CADM2: variants seen among roughly 807,000 people sequenced by gnomAD.
CADM2 encodes immunoglobulin superfamily member 4D.
Under a neutral mutation model 49.8 loss-of-function variants are expected in CADM2, and 12 were observed. The ratio of observed to expected loss-of-function variants is 0.24; its 90% CI spans 0.15 to 0.39. The LOEUF (loss-of-function observed/expected upper bound fraction) is 0.39. Ranked by LOEUF, CADM2 falls within the 10% of genes least tolerant of loss-of-function variation. The pLI is 1.00. For synonymous variants in CADM2, 214 were observed against 175.4 expected (o/e 1.22, Z -1.74); for missense variants, 378 against 492.3 (o/e 0.77, Z 2.20).
At chr3:85,657,146 C>T (rs1301602864) in intron 1 of CADM2, among the ~76,000 whole-genome samples, 1 of 152,144 alleles carries the variant, frequency 6.6e-6, no homozygotes, top group Non-Finnish European at 1.5e-5. Context: ...CTCTCTCCTT[C>T]TTTGAATCTT....
At chr3:85,156,953 C>A (rs1374847199) in intron 1 of CADM2, among the ~76,000 whole-genome samples, 9 of 151,950 alleles carry the variant, frequency 5.9e-5, no homozygotes, top group Non-Finnish European at 1.2e-4. Context: ...TTGTCTCAGC[C>A]CAAAATCTCC....
chr3:85,693,124 C>A (rs942174928), intron 1 of CADM2, among the ~76,000 whole-genome samples: 13 of 152,110 alleles, frequency 8.5e-5, no homozygotes, highest in African/African-American at 1.2e-4. Context: ...TGGCATGCAC[C>A]TGTAGTCCCA....
chr3:85,477,604 T>G (rs1176136522), intron 1 of CADM2, among the ~76,000 whole-genome samples: 1 of 151,952 alleles, frequency 6.6e-6, no homozygotes, highest in African/African-American at 2.4e-5. Context: ...ATCAAGATAC[T>G]GCTGTGCAGT....
intron 1 of CADM2, among the ~76,000 whole-genome samples, chr3:85,528,948 G>T (rs1220418093): frequency 6.6e-6 from 1 of 152,040 alleles, no homozygotes; most frequent in Non-Finnish European, 1.5e-5. Context: ...GACTGAACCT[G>T]GAAATAGTTA....
chr3:85,628,510 T>TTC (rs2064191285), intron 1 of CADM2, among the ~76,000 whole-genome samples: 1 of 129,358 alleles, frequency 7.7e-6, no homozygotes. Flanking sequence ...CTCTCCCATA[T>TTC]ACATATATAT....
At chr3:85,030,750 G>A (rs927586449) in intron 1 of CADM2, among the ~76,000 whole-genome samples, 7 of 151,986 alleles carry the variant, frequency 4.6e-5, no homozygotes, top group Non-Finnish European at 2.9e-5. Context: ...CAATCTTGGC[G>A]TACACGAGTC....
At chr3:85,573,439 C>T (rs2107256489) in intron 1 of CADM2, among the ~76,000 whole-genome samples, 1 of 152,182 alleles carries the variant, frequency 6.6e-6, no homozygotes, top group African/African-American at 2.4e-5. Flanking sequence ...TGACCCACCG[C>T]CTTGACCTCC....
intron 1 of CADM2, 144 bp downstream of exon 1, chr3:84,959,812 G>C (rs1439170553): frequency 5.2e-6 from 4 of 768,394 alleles, no homozygotes; most frequent in Admixed American, 2.2e-5. Flanking sequence ...GGTGCGGCAG[G>C]GGGCAGTGGC....
chr3:86,060,854 C>T (rs955520317), intron 8 of CADM2, among the ~76,000 whole-genome samples: 3 of 151,860 alleles, frequency 2.0e-5, no homozygotes, highest in Admixed American at 6.6e-5. Context: ...TGGTGGTGCA[C>T]GTCTGTAGTC....
At chr3:85,256,565 TA>T (rs1271815514) in intron 1 of CADM2, among the ~76,000 whole-genome samples, 2 of 152,270 alleles carry the variant, frequency 1.3e-5, no homozygotes, top group Admixed American at 1.3e-4. Context: ...AAAACATTTC[TA>T]CCCCCAAATA....
intron 1 of CADM2, among the ~76,000 whole-genome samples, chr3:85,635,503 A>G (rs1299783494): frequency 1.3e-5 from 2 of 152,274 alleles, no homozygotes; most frequent in African/African-American, 4.8e-5. Context: ...GAAATTTTTA[A>G]GGAAGTGTTT....
chr3:85,377,124 T>G (rs1263107985), intron 1 of CADM2, among the ~76,000 whole-genome samples: 2 of 152,172 alleles, frequency 1.3e-5, no homozygotes, highest in African/African-American at 4.8e-5. Context: ...AGTTGGTTAA[T>G]GAAGAATGCA....
intron 1 of CADM2, among the ~76,000 whole-genome samples, chr3:85,235,078 C>T (rs1226621743): frequency 6.6e-6 from 1 of 151,996 alleles, no homozygotes; most frequent in African/African-American, 2.4e-5. Context: ...TTCTCTGACT[C>T]TTCCTCTGTC....
intron 1 of CADM2, among the ~76,000 whole-genome samples, chr3:85,189,568 G>A (rs2041153824): frequency 6.6e-6 from 1 of 152,124 alleles, no homozygotes; most frequent in Non-Finnish European, 1.5e-5. Context: ...GCATTACTTT[G>A]CCTGTCCTCC....
At chr3:85,570,903 C>T (rs192628531) in intron 1 of CADM2, among the ~76,000 whole-genome samples, 3 of 152,126 alleles carry the variant, frequency 2.0e-5, no homozygotes, top group East Asian at 1.9e-4. Flanking sequence ...AAGTAAGAAC[C>T]GCTGCTCAGA....
At chr3:85,988,921 CAG>C (rs1296256905) in intron 8 of CADM2, among the ~76,000 whole-genome samples, 6 of 152,134 alleles carry the variant, frequency 3.9e-5, no homozygotes, top group Non-Finnish European at 7.4e-5. Context: ...GAAATTACAT[CAG>C]AGTCATTGAG....
At chr3:85,065,077 C>A (rs1036727661) in intron 1 of CADM2, among the ~76,000 whole-genome samples, 1 of 151,952 alleles carries the variant, frequency 6.6e-6, no homozygotes, top group Non-Finnish European at 1.5e-5. Flanking sequence ...TGTAAAATTT[C>A]TTTTTAATAG....
chr3:85,928,219 C>T (rs1720138217), intron 6 of CADM2, among the ~76,000 whole-genome samples: 1 of 147,864 alleles, frequency 6.8e-6, no homozygotes, highest in Non-Finnish European at 1.5e-5. Context: ...AGTGCAATGG[C>T]ACGATCTCGG....
intron 1 of CADM2, among the ~76,000 whole-genome samples, chr3:85,302,110 T>G (rs1296018274): frequency 1.3e-5 from 2 of 152,060 alleles, no homozygotes; most frequent in African/African-American, 4.8e-5. Flanking sequence ...TGCTTTAAAC[T>G]GTATACCACC....
Sources: gnomAD v4.1 joint callset for allele counts (sites outside exome capture counted in the v4.1 genomes callset) on GRCh38, gnomAD v4.1.1 for gene constraint, MANE v1.5 for transcripts, NCBI Gene and HGNC (gene_info 2026-07-23, HGNC 2026-07-21) for gene names.